Variants in PSD3 observed in about 807,000 individuals in gnomAD.
PSD3 encodes PH and SEC7 domain-containing protein 3.
A neutral mutation model predicts 105.5 loss-of-function variants in PSD3; 49 were observed. The observed-to-expected ratio is 0.46, with a 90% confidence interval of 0.37 to 0.59. The LOEUF is 0.59. Ranked by LOEUF, PSD3 falls within the 20% of genes least tolerant of loss-of-function variation. PSD3 has a pLI of 0.00. For missense variants in PSD3, 1,561 were observed against 1,263.8 expected, an observed-to-expected ratio of 1.24 and a Z score of -3.57; for synonymous variants, 557 against 457.8, an observed-to-expected ratio of 1.22 and a Z score of -2.77.
At position 18,865,315 on chromosome 8, in the gene PSD3, C is replaced by T. The variant is rs137980383; in HGVS notation, c.1634+2359G>A. On this transcript the variant is annotated intron_variant, in intron 4 of 15. Transcript: ENST00000327040. ...TTTTTTTTTTTTTTTTTTTTAAAGG[C>T]TATCTGAGGCCCCTTCAAGTAGTAA... is the stretch of plus-strand genomic sequence containing the variant. The T allele has an allele frequency of 6.0e-3, 489 of 81,298 alleles. 8 individuals carry two copies. The highest frequency in any genetic ancestry group is 0.019 in the African/African-American group (462 of 24,258). 5.0% of individuals were successfully genotyped at this position (81,298 alleles called of 1,614,324 possible). A position where few individuals can be genotyped will look rare whatever the true frequency, so the allele number is the denominator to read the frequency against.
chr8:18,623,448 C>CACAAA (rs1806262826), intron 11 of PSD3, among the ~76,000 whole-genome samples: 1 of 67,492 alleles, frequency 1.5e-5, no homozygotes, highest in African/African-American at 5.8e-5. Flanking sequence ...CCCGTCTCCC[C>CACAAA]AAAAAAAAAA....
At chr8:19,055,552 C>T (rs1244805928) in intron 1 of PSD3, among the ~76,000 whole-genome samples, 1 of 152,128 alleles carries the variant, frequency 6.6e-6, no homozygotes, top group Non-Finnish European at 1.5e-5. Context: ...CGTGCCCGGC[C>T]GATTTGTAGA....
At chr8:18,986,922 A>T (rs2129473180) in intron 1 of PSD3, among the ~76,000 whole-genome samples, 1 of 152,220 alleles carries the variant, frequency 6.6e-6, no homozygotes, top group Middle Eastern at 3.4e-3. Flanking sequence ...TAACCCATTT[A>T]TGCTTAGTGT....
chr8:18,786,552 C>T (rs1030555728), intron 8 of PSD3, among the ~76,000 whole-genome samples: 4 of 152,150 alleles, frequency 2.6e-5, no homozygotes, highest in Admixed American at 1.3e-4. Flanking sequence ...ATTTGACTCA[C>T]GTGGACTTTG....
intron 1 of PSD3, among the ~76,000 whole-genome samples, chr8:19,035,114 A>C (rs1180448313): frequency 6.6e-6 from 1 of 152,202 alleles, no homozygotes; most frequent in African/African-American, 2.4e-5. Context: ...ACAAATATAA[A>C]AATTGTCATC....
intron 10 of PSD3, among the ~76,000 whole-genome samples, chr8:18,647,696 T>C (rs1182861963): frequency 6.6e-6 from 1 of 151,796 alleles, no homozygotes; most frequent in Non-Finnish European, 1.5e-5. Context: ...TGATTTGGTT[T>C]GGATCTGTGT....
At chr8:18,769,625 C>T (rs973535800) in intron 8 of PSD3, among the ~76,000 whole-genome samples, 1 of 152,154 alleles carries the variant, frequency 6.6e-6, no homozygotes, top group African/African-American at 2.4e-5. Flanking sequence ...CAGTTATTCT[C>T]CAAATCTCTT....
At chr8:18,853,539 G>C (rs1050437573) in intron 4 of PSD3, among the ~76,000 whole-genome samples, 1 of 151,608 alleles carries the variant, frequency 6.6e-6, no homozygotes, top group Admixed American at 6.6e-5. Context: ...TCAGCTCCAG[G>C]GGGAAAAAAA....
intron 11 of PSD3, among the ~76,000 whole-genome samples, chr8:18,624,655 G>A (rs1356699350): frequency 6.8e-6 from 1 of 146,230 alleles, no homozygotes; most frequent in Admixed American, 6.9e-5. Context: ...CCTGCACATT[G>A]TGCACATGTA....
chr8:18,733,777 T>A (rs1257821827), intron 9 of PSD3: 1 of 152,584 alleles, frequency 6.6e-6, no homozygotes, highest in African/African-American at 2.4e-5. Flanking sequence ...AATCCTCAAC[T>A]AACATCCCAT....
chr8:18,936,157 C>A lies in PSD3; in HGVS notation c.22-15G>T, dbSNP rs746337182. Reference sequence around the variant, plus strand: ...AATGTCTCTGCCTGCAAAATAAGAACAAAACAAAGACACATTTAAAATACA... The same window carrying A: ...AATGTCTCTGCCTGCAAAATAAGAAAAAAACAAAGACACATTTAAAATACA... On this transcript the variant is annotated splice_polypyrimidine_tract_variant and intron_variant, in intron 1 of 15. Coordinates refer to ENST00000327040, the MANE Select transcript of PSD3 (RefSeq NM_015310.4). 2 of 1,547,786 alleles carry A rather than the reference C, an allele frequency of 1.3e-6. No homozygotes were observed. Among genetic ancestry groups the A allele is most frequent in the Non-Finnish European group, 1.8e-6 (2 of 1,123,614 alleles).
intron 9 of PSD3, among the ~76,000 whole-genome samples, chr8:18,725,048 C>T (rs1044453328): frequency 1.3e-4 from 20 of 152,154 alleles, no homozygotes. Flanking sequence ...AATCTAATTT[C>T]CTTGTTCTTT....
intron 8 of PSD3, among the ~76,000 whole-genome samples, chr8:18,792,526 C>T (rs76250284): frequency 0.021 from 3,250 of 152,212 alleles, 157 homozygotes; most frequent in East Asian, 0.14. Flanking sequence ...AACACATGGA[C>T]ACATGGGGCA....
At chr8:18,606,975 A>G (rs1298070240) in intron 11 of PSD3, among the ~76,000 whole-genome samples, 1 of 152,224 alleles carries the variant, frequency 6.6e-6, no homozygotes, top group Non-Finnish European at 1.5e-5. Context: ...CAAGGAAGCT[A>G]CCCATCTAAG....
chr8:18,569,438 C>G (rs2130301109), intron 14 of PSD3, among the ~76,000 whole-genome samples: 1 of 150,766 alleles, frequency 6.6e-6, no homozygotes, highest in South Asian at 2.1e-4. Context: ...AGAAAAATCA[C>G]AAGCATTCTT....
intron 14 of PSD3, among the ~76,000 whole-genome samples, chr8:18,558,299 G>C (rs1196043246): frequency 6.6e-6 from 1 of 152,074 alleles, no homozygotes; most frequent in Non-Finnish European, 1.5e-5. Flanking sequence ...ATGATATTTA[G>C]TGACTGGACC....
chr8:18,562,082 G>A (rs1052755376), intron 14 of PSD3, among the ~76,000 whole-genome samples: 27 of 152,162 alleles, frequency 1.8e-4, no homozygotes, highest in African/African-American at 6.3e-4. Flanking sequence ...TGAGAGAGAA[G>A]GCAGAGAGAA....
intron 8 of PSD3, among the ~76,000 whole-genome samples, chr8:18,783,903 T>G (rs1808875904): frequency 6.6e-6 from 1 of 152,248 alleles, no homozygotes; most frequent in Admixed American, 6.5e-5. Context: ...CCCAGACTGC[T>G]GGCATGAGCC....
At chr8:19,051,960 AAG>A (rs1336322743) in intron 1 of PSD3, among the ~76,000 whole-genome samples, 3 of 152,224 alleles carry the variant, frequency 2.0e-5, no homozygotes, top group Non-Finnish European at 4.4e-5. Flanking sequence ...CTACAAGAAA[AAG>A]AGAGGACAGA....
Sources: gnomAD v4.1 joint callset for allele counts (sites outside exome capture counted in the v4.1 genomes callset) on GRCh38, gnomAD v4.1.1 for gene constraint, MANE v1.5 for transcripts, NCBI Gene and HGNC (gene_info 2026-07-23, HGNC 2026-07-21) for gene names.